The following MYBPC1 variants were observed in gnomAD, a reference collection of about 807,000 sequenced individuals.
The protein encoded by MYBPC1 is myosin binding protein C1.
A neutral mutation model predicts 147.1 loss-of-function variants in MYBPC1; 52 were observed. The ratio of observed to expected loss-of-function variants is 0.35; its 90% CI spans 0.28 to 0.45. The LOEUF (loss-of-function observed/expected upper bound fraction) is 0.45. MYBPC1 is among the 20% of genes least tolerant of loss of function. MYBPC1 has a pLI of 1.00. For missense variants in MYBPC1, 1,228 were observed against 1,440.3 expected, an observed-to-expected ratio of 0.85 and a Z score of 2.39; for synonymous variants, 477 against 475.9, an observed-to-expected ratio of 1.00 and a Z score of -0.03.
At chr12:101,666,785 T>A (rs1376874985) in intron 22 of MYBPC1, 1 of 1,613,754 alleles carries the variant, frequency 6.2e-7, no homozygotes, top group Admixed American at 1.7e-5. Flanking sequence ...GGAGGCTGCC[T>A]ATGATCTGCC....
chr12:101,687,828 A>C (rs1951374755), downstream of MYBPC1, among the ~76,000 whole-genome samples: 1 of 152,196 alleles, frequency 6.6e-6, no homozygotes, highest in African/African-American at 2.4e-5. Context: ...CCTAAAAGAG[A>C]CTGTAAAACC....
At chr12:101,634,058 G>A (rs1004240590) in intron 8 of MYBPC1, among the ~76,000 whole-genome samples, 2 of 151,978 alleles carry the variant, frequency 1.3e-5, no homozygotes, top group Admixed American at 6.6e-5. Context: ...CACCACGGCC[G>A]GCTAATTTTG....
chr12:101,630,692 A>G (rs1889704326), intron 6 of MYBPC1, among the ~76,000 whole-genome samples: 1 of 152,240 alleles, frequency 6.6e-6, no homozygotes. Flanking sequence ...GGCACTGAGT[A>G]TAACATGTGA....
chr12:101,662,974 G>T (rs1351120306), intron 21 of MYBPC1, among the ~76,000 whole-genome samples: 2 of 151,950 alleles, frequency 1.3e-5, no homozygotes, highest in East Asian at 1.9e-4. Flanking sequence ...TTGCTTTATG[G>T]TCACACCTTA....
chr12:101,605,703 A>T (rs963805244), intron 1 of MYBPC1, among the ~76,000 whole-genome samples: 1 of 152,006 alleles, frequency 6.6e-6, no homozygotes, highest in Admixed American at 6.6e-5. Context: ...TCTACTAAAA[A>T]TACAAAAAAT....
chr12:101,623,445 C>T (rs1887896219), intron 3 of MYBPC1, among the ~76,000 whole-genome samples: 4 of 152,154 alleles, frequency 2.6e-5, no homozygotes, highest in Admixed American at 2.6e-4. Context: ...ATGTATCAAT[C>T]AATTTTTTAA....
the MYBPC1 span, among the ~76,000 whole-genome samples, chr12:101,693,562 G>A: frequency 7.2e-5 from 11 of 152,048 alleles, no homozygotes; most frequent in African/African-American, 1.4e-4. Context: ...CCAACATGGC[G>A]AAACCCCATC....
At chr12:101,676,101 G>A (rs1899919206) in intron 26 of MYBPC1, among the ~76,000 whole-genome samples, 1 of 152,008 alleles carries the variant, frequency 6.6e-6, no homozygotes, top group Non-Finnish European at 1.5e-5. Context: ...TTTTTTTTCA[G>A]CTCATCAGCT....
chr12:101,657,137 A>C (rs973272036), intron 18 of MYBPC1, among the ~76,000 whole-genome samples: 1 of 152,196 alleles, frequency 6.6e-6, no homozygotes, highest in Non-Finnish European at 1.5e-5. Context: ...ATGAAATCTT[A>C]AAAGAAAATT....
the MYBPC1 span, among the ~76,000 whole-genome samples, chr12:101,691,269 A>C: frequency 9.1e-3 from 1,387 of 152,132 alleles, 22 homozygotes; most frequent in African/African-American, 0.031. Flanking sequence ...ACTGGGCTTC[A>C]CCGTTTTGGC....
At chr12:101,637,431 G>T (rs1891220692) in intron 10 of MYBPC1, among the ~76,000 whole-genome samples, 1 of 151,898 alleles carries the variant, frequency 6.6e-6, no homozygotes, top group Non-Finnish European at 1.5e-5. Flanking sequence ...TTCTATAACT[G>T]CTATACTCTT....
At position 101,644,560 on chromosome 12, in the gene MYBPC1, C is replaced by T. The variant is rs1593858629; in HGVS notation, c.833-104C>T. ...GGTTTCTGATTTTTTTCTTGAGATT[C>T]ATTTTTTCATTTGCTTTTAGGTTCT... On this transcript the variant is annotated intron_variant, in intron 11 of 31. Transcript: ENST00000361466. The T allele has an allele frequency of 4.6e-6, 5 of 1,092,596 alleles. No individual in the cohort carries two copies. In the East Asian group the frequency reaches 1.2e-4, roughly 27 times the overall value. 67.7% of individuals were successfully genotyped at this position (1,092,596 alleles called of 1,614,324 possible).
At chr12:101,694,854 T>C in the MYBPC1 span, among the ~76,000 whole-genome samples, 1 of 152,122 alleles carries the variant, frequency 6.6e-6, no homozygotes, top group African/African-American at 2.4e-5. Flanking sequence ...TTAAACTTGC[T>C]ATATAATATT....
chr12:101,657,483 G>A lies in MYBPC1; in HGVS notation c.1768-2189G>A, dbSNP rs549655538. On this transcript the variant is annotated intron_variant, in intron 18 of 31. Coordinates refer to ENST00000361466, the MANE Select transcript of MYBPC1 (RefSeq NM_002465.4). ...GGCTAAGTAGGATAAGAAGAGTCAA[G>A]GCTAATTAACAGAAATGAAAGAGGG... Among the ~76,000 whole-genome samples, 4 of 152,248 alleles carry A rather than the reference G, an allele frequency of 2.6e-5. No individual in the cohort carries two copies. The East Asian group carries it at 7.7e-4, about 29-fold the overall frequency.
the MYBPC1 span, among the ~76,000 whole-genome samples, chr12:101,691,430 T>C: frequency 6.6e-6 from 1 of 152,352 alleles, no homozygotes; most frequent in East Asian, 1.9e-4. Context: ...TGAAAGTCCA[T>C]GGGCTTCCAA....
intron 22 of MYBPC1, among the ~76,000 whole-genome samples, chr12:101,667,236 G>A (rs1298815310): frequency 1.3e-5 from 2 of 152,162 alleles, no homozygotes; most frequent in Non-Finnish European, 2.9e-5. Context: ...ATATGATCAA[G>A]TTCCCTCTAC....
chr12:101,675,450 T>C lies in MYBPC1; in HGVS notation c.2949+19T>C. On this transcript the variant is annotated intron_variant, in intron 26 of 31. Transcript: ENST00000361466. ...GAGCATGGTAAGGTCTGGCTTTCTC[T>C]GGTTCATCAGTAGCAAAAGGCACAT... 2 of 1,614,020 alleles carry C rather than the reference T, an allele frequency of 1.2e-6. No individual in the cohort carries two copies. Among genetic ancestry groups the C allele is most frequent in the Non-Finnish European group, 1.7e-6 (2 of 1,179,920 alleles).
chr12:101,663,832 T>A (rs1896989843), intron 22 of MYBPC1, among the ~76,000 whole-genome samples: 1 of 152,204 alleles, frequency 6.6e-6, no homozygotes, highest in African/African-American at 2.4e-5. Context: ...AACAAAACTT[T>A]GGGGACTTCC....
At chr12:101,650,179 T>C (rs962346621) in intron 15 of MYBPC1, among the ~76,000 whole-genome samples, 18 of 152,214 alleles carry the variant, frequency 1.2e-4, no homozygotes, top group Admixed American at 6.5e-5. Flanking sequence ...AAAGCAATTA[T>C]AATCCATTCT....
Sources: allele counts gnomAD v4.1 joint callset (sites outside exome capture counted in the v4.1 genomes callset), GRCh38; gene constraint gnomAD v4.1.1; transcripts MANE v1.5; gene names NCBI Gene and HGNC (gene_info 2026-07-23, HGNC 2026-07-21).